Variants in UBR4 observed in about 807,000 individuals in gnomAD.
UBR4 encodes ubiquitin protein ligase E3 component n-recognin 4.
UBR4 carries 124 observed loss-of-function variants against 575.6 expected under a neutral mutation model. That is an observed-to-expected ratio of 0.22 (90% CI 0.19 to 0.25). UBR4 has a LOEUF of 0.25. UBR4 is among the 10% of genes least tolerant of loss of function. UBR4 has a pLI of 1.00. For synonymous variants in UBR4, 2,455 were observed against 2,473.7 expected (o/e 0.99, Z 0.22); for missense variants, 4,818 against 6,478.8 (o/e 0.74, Z 8.80).
chr1:19,106,810 C>A (rs758387326), intron 82 of UBR4, 27 bp downstream of exon 82: 3 of 1,608,428 alleles, frequency 1.9e-6, no homozygotes, highest in Non-Finnish European at 2.6e-6. Flanking sequence ...GGCAGGACTT[C>A]CCGGCGTCTT....
rs575138504 is a variant in UBR4, at chr1:19,123,598, A to C, written c.9589-538T>G. Among the ~76,000 whole-genome samples the C allele has an allele frequency of 5.9e-5, 9 of 152,300 alleles. 1 individual carries two copies. The South Asian group carries it at 1.9e-3, about 32-fold the overall frequency. On this transcript the variant is annotated intron_variant, in intron 65 of 105. Coordinates refer to ENST00000375254, the MANE Select transcript of UBR4 (RefSeq NM_020765.3). ...AAAGAAATCAAAGAGGAAAATACCA[A>C]TATTCATGCATCTCTTCCTTGTGCC...
At chr1:19,082,146 G>A (rs1329906625) in intron 102 of UBR4, 8 of 255,514 alleles carry the variant, frequency 3.1e-5, no homozygotes, top group Admixed American at 2.4e-4. Flanking sequence ...TCCCGCCTTC[G>A]TTAGAACAGC....
In UBR4 at chr1:19,157,619, C is replaced by A. The variant is rs1406891797; in HGVS notation, c.5760+196G>T. 6.6e-6 allele frequency among the ~76,000 whole-genome samples: 1 copy of A among 152,214 alleles called. No individual in the cohort carries two copies. The highest frequency in any genetic ancestry group is 1.5e-5 in the Non-Finnish European group (1 of 68,034). On this transcript the variant is annotated intron_variant, in intron 40 of 105. Coordinates refer to ENST00000375254, the MANE Select transcript of UBR4 (RefSeq NM_020765.3). This position sits in a 1 kb window ranked among gnomAD's most constrained non-coding sequence, Gnocchi z 4.4. Reference sequence around the variant, plus strand: ...CTAATTAGGAACAGTCCTAGTCATACCAGCTCTAGGTCTAATCAAATCAAT... The same window carrying A: ...CTAATTAGGAACAGTCCTAGTCATAACAGCTCTAGGTCTAATCAAATCAAT...
chr1:19,210,133 G>A lies in UBR4; in HGVS notation c.116C>T (p.Ala39Val). 1 of 1,585,578 alleles carries A rather than the reference G, an allele frequency of 6.3e-7. No individual in the cohort carries two copies. Among genetic ancestry groups the A allele is most frequent in the South Asian group, 1.1e-5 (1 of 88,394 alleles). The change falls in exon 1 of 106, where the codon GCG becomes GTG. Residue 39 changes from alanine (A) to valine (V), a missense_variant. By Grantham distance (64) the Ala-to-Val change is moderately conservative. This residue lies in a region of UBR4 where 95 missense variants were observed against 87.7 expected (regional missense o/e 1.08). Coordinates refer to ENST00000375254, the MANE Select transcript of UBR4 (RefSeq NM_020765.3). ...CTTCATCTCGAAGGCGGAGTAGGAC[G>A]CGGACAGCAGGGGCCGCACAGCCAC... ...WEVAVRPLLS[A>V]SYSAFEMKEL...
chr1:19,155,195 C>A, intron 43 of UBR4, 120 bp from the exon 44 acceptor site: 1 of 1,369,458 alleles, frequency 7.3e-7, no homozygotes, highest in Non-Finnish European at 1.0e-6. Flanking sequence ...AGCATGAGAT[C>A]CCTGTGGGTA....
chr1:19,153,676 A>T lies in UBR4; in HGVS notation c.6630+92T>A. On this transcript the variant is annotated intron_variant, in intron 45 of 105. Transcript: ENST00000375254. This position sits in a 1 kb window ranked among gnomAD's most constrained non-coding sequence, Gnocchi z 4.1. ...GACTGAAAATCTTTTATGGGCCTCCATTGAAAGAGCTGGGAAAGTGAAATG... is the reference window on the plus strand; with the variant it reads ...GACTGAAAATCTTTTATGGGCCTCCTTTGAAAGAGCTGGGAAAGTGAAATG... The T allele has an allele frequency of 6.6e-7, 1 of 1,523,070 alleles. No homozygotes were observed. Among genetic ancestry groups the T allele is most frequent in the Non-Finnish European group, 8.8e-7 (1 of 1,130,988 alleles). The allele number at this position is 1,523,070 out of a possible 1,614,324, so 94.3% of individuals were successfully genotyped here. A position where few individuals can be genotyped will look rare whatever the true frequency, so the allele number is the denominator to read the frequency against.
rs1203035122 is a variant in UBR4, at chr1:19,197,278, A to C, written c.894-13T>G. ...CAATGAATGAAAGCTGGAACATGAC[A>C]GAGATCAACAAGTGTCTCTTAGAAT... is the stretch of plus-strand genomic sequence containing the variant. On this transcript the variant is annotated splice_polypyrimidine_tract_variant and intron_variant, in intron 7 of 105. Coordinates refer to ENST00000375254, the MANE Select transcript of UBR4 (RefSeq NM_020765.3). The C allele has an allele frequency of 4.3e-6, 7 of 1,613,922 alleles. No individual in the cohort carries two copies. The highest frequency in any genetic ancestry group is 5.9e-6 in the Non-Finnish European group (7 of 1,179,956).
At chr1:19,188,014 G>A (rs1422867691) in intron 11 of UBR4, among the ~76,000 whole-genome samples, 1 of 147,112 alleles carries the variant, frequency 6.8e-6, no homozygotes, top group African/African-American at 2.5e-5. Context: ...ACAAGACCTT[G>A]TCTCAAAACA....
chr1:19,191,815 A>C (rs2092106084), intron 11 of UBR4, among the ~76,000 whole-genome samples: 1 of 152,244 alleles, frequency 6.6e-6, no homozygotes, highest in African/African-American at 2.4e-5. Context: ...GCAAACCAGG[A>C]GGCCCTGACA....
chr1:19,084,484 CT>C lies in UBR4; in HGVS notation c.15008+19del, dbSNP rs1198696685. The C allele has an allele frequency of 2.5e-6, 4 of 1,583,158 alleles. No homozygotes were observed. The highest frequency in any genetic ancestry group is 1.1e-5 in the South Asian group (1 of 88,180). The stretch of plus-strand genomic sequence containing the variant: ...AGGGTGGGTCTGCGAGATGCCGCCC[CT>C]GGGACACAGGGTACTGACGTGTTCA... On this transcript the variant is annotated intron_variant, in intron 102 of 105. Transcript: ENST00000375254.
chr1:19,077,752 C>A (rs776841931), intron 104 of UBR4: 7 of 1,467,370 alleles, frequency 4.8e-6, no homozygotes, highest in South Asian at 3.6e-5. Flanking sequence ...CAAACCAAAC[C>A]AAACCAAACA....
chr1:19,144,721 C>T, intron 54 of UBR4, 65 bp downstream of exon 54: 1 of 1,563,476 alleles, frequency 6.4e-7, no homozygotes, highest in Non-Finnish European at 8.7e-7. Flanking sequence ...GCTTAGCAAG[C>T]TAAAAACAAT....
In UBR4 at chr1:19,106,892, G is replaced by A; in HGVS notation, c.12180C>T (p.Leu4060=). Residue 4060 remains leucine, a synonymous_variant, in exon 82 of 106, where the codon CTC becomes CTT. Transcript: ENST00000375254. ...NEIHAQAQLW[L]KRDPKASYDA... is the part of the protein sequence containing the mutation. ...CATAGGATGCCTTGGGGTCTCTCTTGAGCCACAGTTGAGCCTGGGCATGGA... is the reference window on the plus strand; with the variant it reads ...CATAGGATGCCTTGGGGTCTCTCTTAAGCCACAGTTGAGCCTGGGCATGGA... 6.2e-7 allele frequency: 1 copy of A among 1,613,708 alleles called. No homozygotes were observed. The highest frequency in any genetic ancestry group is 8.5e-7 in the Non-Finnish European group (1 of 1,180,006).
chr1:19,102,733 G>A (rs1171635172), intron 87 of UBR4, among the ~76,000 whole-genome samples: 4 of 152,086 alleles, frequency 2.6e-5, no homozygotes, highest in East Asian at 3.9e-4. Flanking sequence ...ATAAAGCCCC[G>A]AATCCACTGA....
chr1:19,194,031 G>A (rs1258575440), intron 8 of UBR4, among the ~76,000 whole-genome samples: 2 of 152,124 alleles, frequency 1.3e-5, no homozygotes, highest in African/African-American at 4.8e-5. Flanking sequence ...TGTTACCAGG[G>A]GTCGAGGGAT....
Position 19,148,201 on chromosome 1 carries a change from G to GC in UBR4, c.7495-75dup, listed in dbSNP as rs1194723666. The GC allele has an allele frequency of 3.5e-5, 53 of 1,509,918 alleles. 1 individual carries two copies. In the South Asian group the frequency reaches 6.2e-4, roughly 18 times the overall value. 93.5% of individuals were successfully genotyped at this position (1,509,918 alleles called of 1,614,324 possible). On this transcript the variant is annotated intron_variant, in intron 50 of 105. Coordinates refer to ENST00000375254, the MANE Select transcript of UBR4 (RefSeq NM_020765.3). ...AGAATGAACTATCTACACTCTGCCTGCCCTTCCTTCCTTCTAGGCCACCAG... is the reference window on the plus strand; with the variant it reads ...AGAATGAACTATCTACACTCTGCCTGCCCCTTCCTTCCTTCTAGGCCACCAG...
At position 19,164,902 on chromosome 1, in the gene UBR4, G is replaced by A. The variant is rs747030843; in HGVS notation, c.4408C>T (p.Arg1470Cys). ...TCTTTTGGGGGCGATGTAGTCATGC[G>A]GGTGAGCCAGGCCTGCAGGCGCACA... is the stretch of plus-strand genomic sequence containing the variant. ...EPVRLQAWLTRMTTSPPKDSD... is the reference protein window; with the variant it reads ...EPVRLQAWLTCMTTSPPKDSD... The change falls in exon 32 of 106, where the codon CGC (arginine) becomes TGC (cysteine). Residue 1470 changes from arginine to cysteine, a missense_variant. Around this residue, in one of 29 missense-constraint regions of UBR4, gnomAD observed 1,172 missense variants for 1,259.7 expected, o/e 0.93. Transcript: ENST00000375254. 8.7e-6 allele frequency: 14 copies of A among 1,614,056 alleles called. No homozygotes were observed. The highest frequency in any genetic ancestry group is 4.5e-5 in the East Asian group (2 of 44,890).
rs1185447960 is a variant in UBR4 at position 19,210,084 on chromosome 1, T to C, written c.165A>G (p.Ser55=). 1 of 1,569,464 alleles carries C rather than the reference T, an allele frequency of 6.4e-7. No homozygotes were observed. The highest frequency in any genetic ancestry group is 8.6e-7 in the Non-Finnish European group (1 of 1,160,358). ...CCGCCGCCCGGTACCTCTCGATGACTGAGGCCACCAGCTGCGGCAACTCCT... is the reference window on the plus strand; with the variant it reads ...CCGCCGCCCGGTACCTCTCGATGACCGAGGCCACCAGCTGCGGCAACTCCT... ...EMKELPQLVA[S]VIESESEILH... The change falls in exon 1 of 106, where the codon TCA becomes TCG. Residue 55 remains serine (S), a synonymous_variant. Coordinates refer to ENST00000375254, the MANE Select transcript of UBR4 (RefSeq NM_020765.3).
intron 97 of UBR4, among the ~76,000 whole-genome samples, chr1:19,091,653 G>A (rs1294321223): frequency 6.6e-6 from 1 of 152,198 alleles, no homozygotes; most frequent in East Asian, 1.9e-4. Context: ...ACTAAAAATA[G>A]TCACCAAATG....
Sources: allele counts gnomAD v4.1 joint callset (sites outside exome capture counted in the v4.1 genomes callset), GRCh38; gene constraint gnomAD v4.1.1; regional missense constraint gnomAD v4.1.1; non-coding constraint Gnocchi (gnomAD v3.1); transcripts MANE v1.5; gene names NCBI Gene and HGNC (gene_info 2026-07-23, HGNC 2026-07-21).